The following PDE1C variants were observed in gnomAD, a reference collection of about 807,000 sequenced individuals.
PDE1C encodes phosphodiesterase 1C, also known as dual specificity calcium/calmodulin-dependent 3',5'-cyclic nucleotide phosphodiesterase 1C.
A neutral mutation model predicts 93.1 loss-of-function variants in PDE1C; 62 were observed. The ratio of observed to expected loss-of-function variants is 0.67; its 90% CI spans 0.54 to 0.82. The LOEUF is 0.82. Ranked by LOEUF, PDE1C falls within the 40% of genes least tolerant of loss-of-function variation. The probability of loss-of-function intolerance (pLI) is 0.00; values close to 1 mark genes in which losing one functional copy is unlikely to be tolerated. For synonymous variants in PDE1C, 325 were observed against 310.1 expected, an observed-to-expected ratio of 1.05 and a Z score of -0.50; for missense variants, 742 against 884.6, an observed-to-expected ratio of 0.84 and a Z score of 2.04.
intron 1 of PDE1C, among the ~76,000 whole-genome samples, chr7:32,363,246 T>C (rs1472085815): frequency 6.6e-6 from 1 of 152,242 alleles, no homozygotes; most frequent in Non-Finnish European, 1.5e-5. Context: ...CATCTCATTG[T>C]ATGTAAGTGT....
intron 16 of PDE1C, chr7:31,789,925 C>G (rs1784388624): frequency 1.7e-6 from 2 of 1,143,148 alleles, no homozygotes; most frequent in Non-Finnish European, 2.1e-6. Context: ...GCCTTGAAAG[C>G]CAGGTCATTA....
At chr7:31,949,228 G>T (rs571651751) in intron 2 of PDE1C, among the ~76,000 whole-genome samples, 87 of 152,274 alleles carry the variant, frequency 5.7e-4, no homozygotes, top group African/African-American at 1.8e-3. Flanking sequence ...GGAGGCCAAG[G>T]TGGGCAGATC....
At chr7:31,923,469 CA>C (rs1423169388) in intron 2 of PDE1C, among the ~76,000 whole-genome samples, 1 of 152,172 alleles carries the variant, frequency 6.6e-6, no homozygotes, top group Non-Finnish European at 1.5e-5. Flanking sequence ...ACCACTGGTT[CA>C]GGGTGAATAG....
At chr7:31,740,743 T>C in the PDE1C span, among the ~76,000 whole-genome samples, 1 of 152,178 alleles carries the variant, frequency 6.6e-6, no homozygotes, top group African/African-American at 2.4e-5. Context: ...CATGTACTAA[T>C]TGAGGAAAAA....
chr7:31,996,478 G>A (rs1263758990), intron 2 of PDE1C, among the ~76,000 whole-genome samples: 2 of 152,164 alleles, frequency 1.3e-5, no homozygotes, highest in Admixed American at 1.3e-4. Flanking sequence ...TTGGATGGGT[G>A]ACCTATTAAT....
intron 2 of PDE1C, among the ~76,000 whole-genome samples, chr7:32,177,527 C>G (rs1429572558): frequency 7.2e-5 from 11 of 152,118 alleles, no homozygotes; most frequent in Non-Finnish European, 5.9e-5. Flanking sequence ...AAATACAAAC[C>G]AACCGACCCA....
At chr7:32,201,312 T>A (rs1451112178) in intron 2 of PDE1C, among the ~76,000 whole-genome samples, 1 of 152,176 alleles carries the variant, frequency 6.6e-6, no homozygotes. Context: ...ATTGAGAGGA[T>A]AGAGGAGGAG....
chr7:32,153,131 T>A (rs1801364233), intron 3 of PDE1C, among the ~76,000 whole-genome samples: 1 of 152,160 alleles, frequency 6.6e-6, no homozygotes, highest in Non-Finnish European at 1.5e-5. Context: ...CCCAGCAGGC[T>A]TTTGAAAGCT....
the PDE1C span, among the ~76,000 whole-genome samples, chr7:31,689,577 G>A: frequency 1.1e-4 from 17 of 152,050 alleles, no homozygotes; most frequent in African/African-American, 3.4e-4. Context: ...GAATTAGACC[G>A]GCTCATGTCT....
rs746155238 is a variant in PDE1C, at chr7:32,051,539, G to A, written c.128+15C>T. The A allele has an allele frequency of 1.2e-6, 2 of 1,613,354 alleles. No homozygotes were observed. On this transcript the variant is annotated intron_variant, in intron 2 of 17. Coordinates refer to ENST00000396191, the MANE Select transcript of PDE1C (RefSeq NM_001191057.4). ...AAATGAATCAACCAGTTGCAGCTCAGAAAGACGTTCTTACCTCTGGGACGT... is the reference window on the plus strand; with the variant it reads ...AAATGAATCAACCAGTTGCAGCTCAAAAAGACGTTCTTACCTCTGGGACGT...
chr7:32,070,917 C>T, upstream of PDE1C: 1 of 985,506 alleles, frequency 1.0e-6, no homozygotes, highest in Non-Finnish European at 1.2e-6. Flanking sequence ...GCCCCGCGCC[C>T]AGCGCCCCGC....
chr7:31,643,295 G>A, the PDE1C span: 3 of 1,613,796 alleles, frequency 1.9e-6, no homozygotes, highest in Non-Finnish European at 2.5e-6. Flanking sequence ...TCATCACAGT[G>A]TATCCCCAAG....
chr7:32,032,410 G>A (rs1790452671), intron 2 of PDE1C, among the ~76,000 whole-genome samples: 1 of 152,136 alleles, frequency 6.6e-6, no homozygotes, highest in Non-Finnish European at 1.5e-5. Flanking sequence ...CCATCTCTCT[G>A]CCACTGGGGC....
At chr7:32,250,529 C>T (rs1003427290) in intron 1 of PDE1C, among the ~76,000 whole-genome samples, 4 of 152,224 alleles carry the variant, frequency 2.6e-5, no homozygotes, top group African/African-American at 9.6e-5. Flanking sequence ...AGAAACCCTG[C>T]TGTCGGCTCT....
At chr7:31,873,732 A>G (rs1583713533) in intron 5 of PDE1C, among the ~76,000 whole-genome samples, 1 of 152,200 alleles carries the variant, frequency 6.6e-6, no homozygotes, top group East Asian at 1.9e-4. Context: ...CATTTTATGG[A>G]TAAGAAAACT....
At chr7:32,097,504 G>A (rs1490325301) in intron 3 of PDE1C, among the ~76,000 whole-genome samples, 2 of 152,222 alleles carry the variant, frequency 1.3e-5, no homozygotes, top group East Asian at 3.9e-4. Context: ...TTTGTCTGCT[G>A]CCCACTGACT....
In PDE1C at chr7:32,420,152, C is replaced by T. The variant is rs1583434689; in HGVS notation, c.310+7670G>A. On this transcript the variant is annotated intron_variant, in intron 1 of 1. Coordinates refer to the PDE1C transcript ENST00000672256. ...ACACACACACACACACACACACACACACACACATATATATGTGTATATATA... is the reference window on the plus strand; with the variant it reads ...ACACACACACACACACACACACACATACACACATATATATGTGTATATATA... Among the ~76,000 whole-genome samples the T allele has an allele frequency of 1.6e-4, 7 of 43,846 alleles. 2 individuals are homozygous for T. Among genetic ancestry groups the T allele is most frequent in the African/African-American group, 3.6e-4 (5 of 14,040 alleles). The allele number at this position is 43,846 out of a possible 152,430, so 28.8% of individuals were successfully genotyped here. A position where few individuals can be genotyped will look rare whatever the true frequency, so the allele number is the denominator to read the frequency against.
intron 3 of PDE1C, among the ~76,000 whole-genome samples, chr7:32,144,617 T>G (rs961084043): frequency 9.9e-5 from 15 of 152,204 alleles, no homozygotes; most frequent in African/African-American, 3.6e-4. Context: ...AAAGGAAAGA[T>G]GCATGCTGAG....
the PDE1C span, among the ~76,000 whole-genome samples, chr7:31,636,715 C>CT: frequency 6.8e-6 from 1 of 146,174 alleles, no homozygotes. Flanking sequence ...ATAAAGGGAT[C>CT]TTTTTTTTTT....
Sources: gnomAD v4.1 joint callset for allele counts (sites outside exome capture counted in the v4.1 genomes callset) on GRCh38, gnomAD v4.1.1 for gene constraint, MANE v1.5 for transcripts, NCBI Gene and HGNC (gene_info 2026-07-23, HGNC 2026-07-21) for gene names.